STAB2: variants seen among roughly 807,000 people sequenced by gnomAD.
STAB2 encodes the protein stabilin 2.
A neutral mutation model predicts 338.1 loss-of-function variants in STAB2; 288 were observed. The ratio of observed to expected loss-of-function variants is 0.85; its 90% confidence interval spans 0.77 to 0.94. STAB2 has a LOEUF of 0.94. Among genes scored for constraint, STAB2 ranks in the 40% least tolerant of loss-of-function variants. The probability of loss-of-function intolerance (pLI) is 0.00; values close to 1 mark genes in which losing one functional copy is unlikely to be tolerated. For missense variants in STAB2, 3,141 were observed against 3,210.1 expected (o/e 0.98, Z 0.52); for synonymous variants, 1,202 against 1,193.3 (o/e 1.01, Z -0.15).
chr12:103,716,044 C>T (rs11111727), intron 43 of STAB2, among the ~76,000 whole-genome samples, 156 bp downstream of exon 43: 18,425 of 152,134 alleles, frequency 0.12, 2,218 homozygotes, highest in African/African-American at 0.31. Flanking sequence ...TCAAGAGGCC[C>T]TTCTTTGGGA....
At chr12:103,736,199 GT>G (rs1379676709) in intron 52 of STAB2, among the ~76,000 whole-genome samples, 3 of 152,200 alleles carry the variant, frequency 2.0e-5, no homozygotes, top group Non-Finnish European at 4.4e-5. Flanking sequence ...TGATGGCTCA[GT>G]GGAGAGGTGC....
In STAB2 at chr12:103,688,220, G is replaced by C; in HGVS notation, c.3045+5G>C. 6.2e-7 allele frequency: 1 copy of C among 1,612,756 alleles called. No homozygotes were observed. The highest frequency in any genetic ancestry group is 8.5e-7 in the Non-Finnish European group (1 of 1,178,768). On this transcript the variant is annotated splice_donor_5th_base_variant and intron_variant, in intron 28 of 68. Transcript: ENST00000388887. ...ATATTTAACCGATGGATAAATGTGAGTACCTTTATTGGGACTTAGGATTGG... is the reference window on the plus strand; with the variant it reads ...ATATTTAACCGATGGATAAATGTGACTACCTTTATTGGGACTTAGGATTGG...
At chr12:103,747,103 T>C (rs1413112729) in intron 58 of STAB2, among the ~76,000 whole-genome samples, 4 of 152,018 alleles carry the variant, frequency 2.6e-5, no homozygotes, top group African/African-American at 7.2e-5. Context: ...ATTACAGGCA[T>C]GCGCCACCGC....
chr12:103,743,837 G>A (rs1224135968), intron 56 of STAB2, among the ~76,000 whole-genome samples: 1 of 152,184 alleles, frequency 6.6e-6, no homozygotes, highest in Non-Finnish European at 1.5e-5. Flanking sequence ...TGAGCGGAGT[G>A]GGCAAAGAGG....
rs1875676499 is a variant in STAB2 at position 103,670,638 on chromosome 12, T to TGAAAACAATG, written c.2260-51_2260-50insATGGAAAACA. 2.2e-6 allele frequency: 3 copies of TGAAAACAATG among 1,382,826 alleles called. No individual in the cohort carries two copies. The East Asian group carries it at 7.1e-5, about 33-fold the overall frequency. 85.7% of individuals were successfully genotyped at this position (1,382,826 alleles called of 1,614,324 possible). On this transcript the variant is annotated intron_variant, in intron 21 of 68. Coordinates refer to ENST00000388887, the MANE Select transcript of STAB2 (RefSeq NM_017564.10). ...AATTCAAAGAAGTCAGGCCATGAAATGAAAACACCTGAGAACTATGTGTCC... is the reference window on the plus strand; with the variant it reads ...AATTCAAAGAAGTCAGGCCATGAAATGAAAACAATGGAAAACACCTGAGAACTATGTGTCC...
In STAB2 at chr12:103,706,987, G is replaced by T. The variant is rs1349769932; in HGVS notation, c.4192G>T (p.Ala1398Ser). The change falls in exon 38 of 69, where the codon GCA (alanine) becomes TCA (serine). Residue 1398 changes from alanine (A) to serine (S), a missense_variant and splice_region_variant. By Grantham distance (99) the Ala-to-Ser change is moderately conservative (BLOSUM62 1). Coordinates refer to ENST00000388887, the MANE Select transcript of STAB2 (RefSeq NM_017564.10). Reference sequence around the variant, plus strand: ...CAAGTACGGCATCCACTGTGACCAAGGTGAGCACCGTCCTCTCCACAGAGG... The same window carrying T: ...CAAGTACGGCATCCACTGTGACCAATGTGAGCACCGTCCTCTCCACAGAGG... Reference protein sequence around the residue: ...EGKYGIHCDQACSCVHGRCNQ... With the variant: ...EGKYGIHCDQSCSCVHGRCNQ... 6.2e-7 allele frequency: 1 copy of T among 1,614,050 alleles called. No homozygotes were observed. The highest frequency in any genetic ancestry group is 1.7e-5 in the Admixed American group (1 of 60,014).
At chr12:103,634,185 T>C (rs924673960) in intron 6 of STAB2, among the ~76,000 whole-genome samples, 3 of 151,900 alleles carry the variant, frequency 2.0e-5, no homozygotes, top group African/African-American at 7.2e-5. Context: ...GGTTTTAAAA[T>C]TGTGCGCCAA....
At position 103,695,733 on chromosome 12, in the gene STAB2, G is replaced by T. The variant is rs774659850; in HGVS notation, c.3475-4G>T. 2 of 1,614,060 alleles carry T rather than the reference G, an allele frequency of 1.2e-6. No homozygotes were observed. The highest frequency in any genetic ancestry group is 1.7e-6 in the Non-Finnish European group (2 of 1,179,988). On this transcript the variant is annotated splice_region_variant and splice_polypyrimidine_tract_variant and intron_variant, in intron 32 of 68. Coordinates refer to ENST00000388887, the MANE Select transcript of STAB2 (RefSeq NM_017564.10). ...TCATGCACTCTTGTCTCTTTCCATC[G>T]CAGCAATATAATCTGGCGAATGCAA... is the stretch of plus-strand genomic sequence containing the variant.
At chr12:103,707,440 A>G (rs1879463338) in intron 38 of STAB2, among the ~76,000 whole-genome samples, 1 of 152,206 alleles carries the variant, frequency 6.6e-6, no homozygotes. Flanking sequence ...ACTTCCCCCA[A>G]GGCTACACCT....
At chr12:103,602,860 CA>C (rs1452773173) in intron 3 of STAB2, among the ~76,000 whole-genome samples, 1 of 152,158 alleles carries the variant, frequency 6.6e-6, no homozygotes, top group Non-Finnish European at 1.5e-5. Flanking sequence ...AGTCTCGTAA[CA>C]TTGCCTTTTG....
chr12:103,641,337 T>C (rs1044848837), intron 9 of STAB2, among the ~76,000 whole-genome samples: 1 of 152,228 alleles, frequency 6.6e-6, no homozygotes, highest in Non-Finnish European at 1.5e-5. Flanking sequence ...AAATCCCAAG[T>C]CTGCCCCTTA....
intron 27 of STAB2, among the ~76,000 whole-genome samples, chr12:103,686,525 G>A (rs1877448251): frequency 6.6e-6 from 1 of 152,102 alleles, no homozygotes; most frequent in Non-Finnish European, 1.5e-5. Context: ...TTTTTCTTGA[G>A]ACAAGATCTC....
At chr12:103,721,461 G>A (rs931911471) in intron 44 of STAB2, among the ~76,000 whole-genome samples, 9 of 152,200 alleles carry the variant, frequency 5.9e-5, no homozygotes, top group Non-Finnish European at 1.5e-5. Context: ...CCCCATGTAG[G>A]CTATGCTGTG....
rs1873523368 is a variant in STAB2, at chr12:103,648,811, A to G, written c.1162A>G (p.Ile388Val). Residue 388 changes from isoleucine to valine, a missense_variant, in exon 10 of 69, where the codon ATC becomes GTC. Coordinates refer to ENST00000388887, the MANE Select transcript of STAB2 (RefSeq NM_017564.10). The part of the protein sequence containing the change: ...GKWQGRLTSF[I>V]SLLDKAYAWP... The stretch of plus-strand genomic sequence containing the variant: ...ATGGCAAGGAAGGCTGACCTCTTTC[A>G]TCTCACTCCTAGGTACGCAGCTATG... The G allele has an allele frequency of 6.2e-7, 1 of 1,613,786 alleles. No homozygotes were observed. Among genetic ancestry groups the G allele is most frequent in the Admixed American group, 1.7e-5 (1 of 59,984 alleles).
intron 34 of STAB2, among the ~76,000 whole-genome samples, chr12:103,702,198 A>C (rs552034301): frequency 2.0e-4 from 31 of 151,512 alleles, no homozygotes; most frequent in African/African-American, 6.0e-4. Flanking sequence ...ACTTGGCGGC[A>C]TTTAGATACA....
chr12:103,679,224 C>T (rs533234593), intron 25 of STAB2, among the ~76,000 whole-genome samples: 1 of 152,148 alleles, frequency 6.6e-6, no homozygotes, highest in African/African-American at 2.4e-5. Flanking sequence ...AAAAATTAGT[C>T]GGGCATTGTG....
intron 6 of STAB2, among the ~76,000 whole-genome samples, chr12:103,633,843 G>T (rs942578426): frequency 6.6e-6 from 1 of 152,138 alleles, no homozygotes; most frequent in African/African-American, 2.4e-5. Context: ...TTACCCATCT[G>T]TGGGTATGAG....
At chr12:103,751,079 C>T (rs570904931) in intron 60 of STAB2, among the ~76,000 whole-genome samples, 1 of 152,214 alleles carries the variant, frequency 6.6e-6, no homozygotes, top group African/African-American at 2.4e-5. Context: ...AAAGGACCCA[C>T]AAACATAGTT....
chr12:103,588,426 A>G lies in STAB2; in HGVS notation c.81+869A>G, dbSNP rs149192232. On this transcript the variant is annotated intron_variant, in intron 1 of 68. Transcript: ENST00000388887. ...TGTTTGACCCTGAGCACGTTTTTTA[A>G]TCTCTTCAAGCTTCAGTCTCGCCCC... 6.8e-3 allele frequency among the ~76,000 whole-genome samples: 1,036 copies of G among 152,050 alleles called. 10 individuals carry two copies. The highest frequency in any genetic ancestry group is 0.024 in the African/African-American group (986 of 41,492).
Sources: gnomAD v4.1 joint callset for allele counts (sites outside exome capture counted in the v4.1 genomes callset) on GRCh38, gnomAD v4.1.1 for gene constraint, MANE v1.5 for transcripts, NCBI Gene and HGNC (gene_info 2026-07-23, HGNC 2026-07-21) for gene names.